Variants in ARL15 observed in about 807,000 individuals in gnomAD.
The protein encoded by ARL15 is ADP-ribosylation factor-like protein 15.
A neutral mutation model predicts 25.2 loss-of-function variants in ARL15; 19 were observed. That is an observed-to-expected ratio of 0.75 (90% CI 0.53 to 1.10). The LOEUF (loss-of-function observed/expected upper bound fraction) is 1.10, where lower values mean the gene tolerates loss of function less well. Among genes scored for constraint, ARL15 ranks in the 50% least tolerant of loss-of-function variants. The pLI is 0.00. For missense variants in ARL15, 220 were observed against 246.0 expected, an observed-to-expected ratio of 0.89 and a Z score of 0.71; for synonymous variants, 94 against 86.8, an observed-to-expected ratio of 1.08 and a Z score of -0.46.
intron 4 of ARL15, among the ~76,000 whole-genome samples, chr5:53,988,202 G>A (rs1051048906): frequency 6.6e-6 from 1 of 151,166 alleles, no homozygotes; most frequent in South Asian, 2.1e-4. Context: ...TGGCTGAGAT[G>A]GGTGGATCAC....
At chr5:53,947,174 GT>G (rs1561160944) in intron 4 of ARL15, among the ~76,000 whole-genome samples, 2 of 60,478 alleles carry the variant, frequency 3.3e-5, no homozygotes, top group African/African-American at 2.0e-4. Flanking sequence ...AAGGGTGTGT[GT>G]GTGTGTGTGT....
intron 4 of ARL15, among the ~76,000 whole-genome samples, chr5:54,023,022 G>A (rs1749663577): frequency 6.6e-6 from 1 of 152,132 alleles, no homozygotes; most frequent in Non-Finnish European, 1.5e-5. Flanking sequence ...AAAACTCAAT[G>A]GATAGGCTCG....
At chr5:54,254,024 A>C (rs1418591480) in intron 1 of ARL15, among the ~76,000 whole-genome samples, 1 of 152,224 alleles carries the variant, frequency 6.6e-6, no homozygotes, top group Non-Finnish European at 1.5e-5. Context: ...GGAGCATTGC[A>C]AGATAGGAGC....
At chr5:53,997,961 C>T (rs1013096586) in intron 4 of ARL15, among the ~76,000 whole-genome samples, 5 of 151,954 alleles carry the variant, frequency 3.3e-5, no homozygotes, top group African/African-American at 4.8e-5. Context: ...CATAATCCCT[C>T]ACCTTAAACA....
intron 4 of ARL15, chr5:53,887,447 C>G: frequency 1.4e-6 from 1 of 693,446 alleles, no homozygotes; most frequent in Non-Finnish European, 2.6e-6. Flanking sequence ...AATTAATAAC[C>G]AGTCACAAGT....
chr5:54,228,431 A>C (rs533548575), intron 1 of ARL15, among the ~76,000 whole-genome samples: 1 of 152,266 alleles, frequency 6.6e-6, no homozygotes, highest in African/African-American at 2.4e-5. Flanking sequence ...AGGTGAATTT[A>C]CTCAGATAAC....
intron 4 of ARL15, among the ~76,000 whole-genome samples, chr5:54,034,712 G>T (rs936267239): frequency 6.6e-6 from 1 of 152,122 alleles, no homozygotes; most frequent in Non-Finnish European, 1.5e-5. Flanking sequence ...AGGCTGGAGT[G>T]CAGTGGCACA....
At chr5:54,109,658 T>C (rs1315290275) in intron 4 of ARL15, among the ~76,000 whole-genome samples, 1 of 152,002 alleles carries the variant, frequency 6.6e-6, no homozygotes, top group Non-Finnish European at 1.5e-5. Context: ...TACAATTCAA[T>C]ACAAATGAGA....
chr5:54,137,974 A>G (rs1171666167), intron 3 of ARL15, among the ~76,000 whole-genome samples: 2 of 152,154 alleles, frequency 1.3e-5, no homozygotes, highest in Non-Finnish European at 2.9e-5. Flanking sequence ...GAGTCAAAGT[A>G]TGCCTTAGAA....
chr5:53,912,391 A>T (rs538703418), intron 4 of ARL15, among the ~76,000 whole-genome samples: 1 of 152,296 alleles, frequency 6.6e-6, no homozygotes, highest in African/African-American at 2.4e-5. Context: ...TTCAATGAAA[A>T]ATCAGTGATT....
intron 3 of ARL15, among the ~76,000 whole-genome samples, chr5:54,137,918 A>G (rs190191314): frequency 2.9e-3 from 435 of 152,144 alleles, no homozygotes; most frequent in African/African-American, 0.01. Context: ...AGGAAATAAT[A>G]TGAGGAGAAC....
At chr5:53,997,255 G>C (rs2111698419) in intron 4 of ARL15, among the ~76,000 whole-genome samples, 1 of 152,126 alleles carries the variant, frequency 6.6e-6, no homozygotes, top group South Asian at 2.1e-4. Flanking sequence ...CCTAATCTGA[G>C]CTCCTCAACT....
chr5:54,276,832 G>T (rs1449432003), intron 1 of ARL15, among the ~76,000 whole-genome samples: 2 of 152,146 alleles, frequency 1.3e-5, no homozygotes. Flanking sequence ...TGCCAGAAGG[G>T]GCCATGAGCT....
At chr5:54,099,906 A>G (rs886220585) in intron 4 of ARL15, among the ~76,000 whole-genome samples, 1 of 152,176 alleles carries the variant, frequency 6.6e-6, no homozygotes, top group African/African-American at 2.4e-5. Context: ...ATTTAAATCC[A>G]AAAGTTCTGA....
At chr5:54,220,505 A>G (rs539771712) in intron 1 of ARL15, among the ~76,000 whole-genome samples, 1 of 152,326 alleles carries the variant, frequency 6.6e-6, no homozygotes, top group South Asian at 2.1e-4. Flanking sequence ...TTCCTTGGAA[A>G]ATTCTGGCAT....
chr5:54,051,660 T>C (rs537388528), intron 4 of ARL15, among the ~76,000 whole-genome samples: 1 of 152,310 alleles, frequency 6.6e-6, no homozygotes, highest in Non-Finnish European at 1.5e-5. Context: ...TTCAAAACAG[T>C]ACCACCAACA....
At chr5:54,140,937 G>A (rs943434432) in intron 3 of ARL15, among the ~76,000 whole-genome samples, 1 of 152,114 alleles carries the variant, frequency 6.6e-6, no homozygotes, top group African/African-American at 2.4e-5. Flanking sequence ...TCACCTTAAT[G>A]TCATTACCGT....
chr5:54,017,199 C>A (rs1204077698), intron 4 of ARL15, among the ~76,000 whole-genome samples: 2 of 152,192 alleles, frequency 1.3e-5, no homozygotes, highest in Non-Finnish European at 2.9e-5. Flanking sequence ...CCCGTGAGCA[C>A]AAGAGAGAGC....
At chr5:54,095,354 T>C (rs544722658) in intron 4 of ARL15, among the ~76,000 whole-genome samples, 1 of 152,338 alleles carries the variant, frequency 6.6e-6, no homozygotes, top group South Asian at 2.1e-4. Flanking sequence ...TACCAGAATA[T>C]GACACGTTTT....
Sources: gnomAD v4.1 joint callset for allele counts (sites outside exome capture counted in the v4.1 genomes callset) on GRCh38, gnomAD v4.1.1 for gene constraint, MANE v1.5 for transcripts, NCBI Gene and HGNC (gene_info 2026-07-23, HGNC 2026-07-21) for gene names.